MLLT3: variants seen among roughly 807,000 people sequenced by gnomAD.
MLLT3 encodes protein AF-9.
A neutral mutation model predicts 53.2 loss-of-function variants in MLLT3; 4 were observed. The ratio of observed to expected loss-of-function variants is 0.08; its 90% CI spans 0.04 to 0.17. MLLT3 has a LOEUF of 0.17. Among genes scored for constraint, MLLT3 ranks in the 10% least tolerant of loss-of-function variants. The pLI, the probability that MLLT3 is intolerant of heterozygous loss-of-function variation, is 1.00. For synonymous variants in MLLT3, 283 were observed against 230.6 expected (o/e 1.23, Z -2.06); for missense variants, 569 against 684.0 (o/e 0.83, Z 1.87).
At chr9:20,382,230 T>C (rs1319030427) in intron 5 of MLLT3, among the ~76,000 whole-genome samples, 1 of 151,984 alleles carries the variant, frequency 6.6e-6, no homozygotes, top group Admixed American at 6.6e-5. Flanking sequence ...TGGCTTTTCC[T>C]TGTTCCATCC....
intron 2 of MLLT3, among the ~76,000 whole-genome samples, chr9:20,550,567 A>T (rs1198400016): frequency 6.6e-6 from 1 of 152,016 alleles, no homozygotes; most frequent in Non-Finnish European, 1.5e-5. Flanking sequence ...TGGGACCACA[A>T]GCACACACCA....
intron 2 of MLLT3, among the ~76,000 whole-genome samples, chr9:20,512,802 C>T (rs918299771): frequency 2.0e-5 from 3 of 152,234 alleles, no homozygotes; most frequent in Non-Finnish European, 4.4e-5. Context: ...AAGCACAGTA[C>T]ATGACTAAAC....
chr9:20,353,636 A>G, intron 9 of MLLT3, 40 bp from the exon 10 acceptor site: 1 of 1,522,976 alleles, frequency 6.6e-7, no homozygotes, highest in Non-Finnish European at 9.1e-7. Context: ...CAAGCACTTT[A>G]AGTAGTAGTT....
chr9:20,471,651 G>T (rs374719972), intron 2 of MLLT3, among the ~76,000 whole-genome samples: 9 of 152,144 alleles, frequency 5.9e-5, no homozygotes, highest in Admixed American at 5.2e-4. Flanking sequence ...TGAGAAACTT[G>T]ATTTGTAAAT....
chr9:20,615,360 G>GAAAAAAAAAAAAAAAAAAA (rs10601830), intron 2 of MLLT3, among the ~76,000 whole-genome samples: 1 of 48,774 alleles, frequency 2.1e-5, no homozygotes, highest in Non-Finnish European at 3.8e-5. Context: ...CAGACCATGT[G>GAAAAAAAAAAAAAAAAAAA]AAAAAAAAAA....
intron 2 of MLLT3, among the ~76,000 whole-genome samples, chr9:20,493,828 C>A (rs890215957): frequency 1.3e-5 from 2 of 151,976 alleles, no homozygotes; most frequent in African/African-American, 4.8e-5. Flanking sequence ...GCAAATGGTA[C>A]ACAATAGACA....
intron 3 of MLLT3, 133 bp downstream of exon 3, chr9:20,456,571 C>T (rs1823975877): frequency 1.4e-5 from 9 of 652,124 alleles, no homozygotes; most frequent in South Asian, 1.1e-4. Flanking sequence ...AGCCAAAATT[C>T]CTAGAAGACA....
At chr9:20,412,330 A>C (rs1212310378) in intron 5 of MLLT3, among the ~76,000 whole-genome samples, 1 of 152,110 alleles carries the variant, frequency 6.6e-6, no homozygotes, top group Admixed American at 6.5e-5. Flanking sequence ...AACACATTCA[A>C]CTCTCATCTC....
At chr9:20,503,588 A>C (rs74400412) in intron 2 of MLLT3, among the ~76,000 whole-genome samples, 2,985 of 152,318 alleles carry the variant, frequency 0.02, 101 homozygotes, top group East Asian at 0.16. Context: ...AACCATAAAA[A>C]TACTAGAAGA....
intron 2 of MLLT3, among the ~76,000 whole-genome samples, chr9:20,578,543 G>A (rs10811367): frequency 0.42 from 63,856 of 151,782 alleles, 13,907 homozygotes; most frequent in Middle Eastern, 0.51. Context: ...AAGAGAAGAT[G>A]GGAAACATAT....
chr9:20,491,115 G>A (rs749996299), intron 2 of MLLT3, among the ~76,000 whole-genome samples: 7 of 151,950 alleles, frequency 4.6e-5, no homozygotes, highest in African/African-American at 9.7e-5. Context: ...ATCATATAAC[G>A]TCCTTAAGTC....
chr9:20,437,046 C>G (rs974424721), intron 4 of MLLT3, among the ~76,000 whole-genome samples: 7 of 151,816 alleles, frequency 4.6e-5, no homozygotes, highest in Admixed American at 2.6e-4. Flanking sequence ...TACTAAGCAC[C>G]AATACCAGCA....
intron 2 of MLLT3, among the ~76,000 whole-genome samples, chr9:20,557,581 T>C (rs1295644096): frequency 3.3e-5 from 5 of 152,144 alleles, no homozygotes; most frequent in African/African-American, 4.8e-5. Flanking sequence ...TCTTTATAAA[T>C]TGCTACTTCC....
At position 20,341,784 on chromosome 9, in the gene MLLT3, G is replaced by A. The variant is rs779829606; in HGVS notation, c.*4659C>T. 3 of 197,808 alleles carry A rather than the reference G, an allele frequency of 1.5e-5. No homozygotes were observed. The East Asian group carries it at 2.4e-4, about 16-fold the overall frequency. 12.3% of individuals were successfully genotyped at this position (197,808 alleles called of 1,614,324 possible). On this transcript the variant is annotated 3_prime_UTR_variant, in exon 11 of 11. Coordinates refer to ENST00000380338, the MANE Select transcript of MLLT3 (RefSeq NM_004529.4). ...GTAAATGCAGGGACTTTGTAAGATC[G>A]ACTCTCTCTGGCTATAGCACATTGT...
rs563693540 is a variant in MLLT3, at chr9:20,436,935, T to C, written c.420+11188A>G. Among the ~76,000 whole-genome samples the C allele has an allele frequency of 4.3e-4, 65 of 152,230 alleles. 1 individual carries two copies. Among genetic ancestry groups the C allele is most frequent in the Admixed American group, 7.2e-4 (11 of 15,282 alleles). On this transcript the variant is annotated intron_variant, in intron 4 of 10. Coordinates refer to ENST00000380338, the MANE Select transcript of MLLT3 (RefSeq NM_004529.4). ...ATTTCTCATGCATTATCTCAAGTCA[T>C]CCTCACAACTACTATATCCTGGTAG... is the stretch of plus-strand genomic sequence containing the variant.
At chr9:20,508,301 G>A (rs1825436101) in intron 2 of MLLT3, among the ~76,000 whole-genome samples, 1 of 152,132 alleles carries the variant, frequency 6.6e-6, no homozygotes. Flanking sequence ...AAAGAAAAAT[G>A]TCTTCAGTCC....
At chr9:20,410,340 A>T (rs74577295) in intron 5 of MLLT3, among the ~76,000 whole-genome samples, 3,835 of 152,066 alleles carry the variant, frequency 0.025, 164 homozygotes, top group African/African-American at 0.086. Context: ...GCTAACTTAC[A>T]TTTTTTTTAT....
intron 2 of MLLT3, among the ~76,000 whole-genome samples, chr9:20,530,174 G>T (rs1048257120): frequency 1.3e-5 from 2 of 152,122 alleles, no homozygotes; most frequent in Non-Finnish European, 2.9e-5. Flanking sequence ...ATGAATAACT[G>T]CAAAGGTGGC....
At chr9:20,493,884 C>T (rs1407057512) in intron 2 of MLLT3, among the ~76,000 whole-genome samples, 1 of 151,998 alleles carries the variant, frequency 6.6e-6, no homozygotes, top group Non-Finnish European at 1.5e-5. Flanking sequence ...TTTCCTACTA[C>T]TCATTCTTTA....
Sources: allele counts gnomAD v4.1 joint callset (sites outside exome capture counted in the v4.1 genomes callset), GRCh38; gene constraint gnomAD v4.1.1; transcripts MANE v1.5; gene names NCBI Gene and HGNC (gene_info 2026-07-23, HGNC 2026-07-21).